LTO1: variants seen among roughly 807,000 people sequenced by gnomAD.
LTO1 encodes protein LTO1 homolog.
A neutral mutation model predicts 19.8 loss-of-function variants in LTO1; 18 were observed. The ratio of observed to expected loss-of-function variants is 0.91; its 90% CI spans 0.63 to 1.35. LTO1 has a LOEUF of 1.35. LTO1 is among the 40% of genes most tolerant of loss of function. The pLI, the probability that LTO1 is intolerant of heterozygous loss-of-function variation, is 0.00. For missense variants in LTO1, 175 were observed against 167.9 expected, an observed-to-expected ratio of 1.04 and a Z score of -0.23; for synonymous variants, 59 against 59.6, an observed-to-expected ratio of 0.99 and a Z score of 0.05.
At chr11:69,669,752 G>A (rs751194092) in intron 3 of LTO1, among the ~76,000 whole-genome samples, 34 of 152,200 alleles carry the variant, frequency 2.2e-4, no homozygotes, top group Non-Finnish European at 3.1e-4. Flanking sequence ...CCCGGTGCGC[G>A]CTGGTCTGCA....
intron 2 of LTO1, chr11:69,672,048 G>A: frequency 1.9e-6 from 1 of 513,908 alleles, no homozygotes; most frequent in Non-Finnish European, 3.5e-6. Context: ...CCCATGCCCT[G>A]TGCAGGTCCC....
chr11:69,666,580 G>A lies in LTO1; in HGVS notation c.*939C>T, dbSNP rs1484151321. 6.6e-6 allele frequency: 1 copy of A among 152,386 alleles called. No individual in the cohort carries two copies. Among genetic ancestry groups the A allele is most frequent in the East Asian group, 1.9e-4 (1 of 5,186 alleles). The allele number at this position is 152,386 out of a possible 1,614,324, so 9.4% of individuals were successfully genotyped here. A position where few individuals can be genotyped will look rare whatever the true frequency, so the allele number is the denominator to read the frequency against. ...AAGAGCTCCTAGGAGAGGGGAGAAT[G>A]CAGGAGGCTATACGCATGGTTCTCA... On this transcript the variant is annotated 3_prime_UTR_variant, in exon 5 of 5. Transcript: ENST00000279147.
At chr11:69,668,223 T>C (rs1160933794) in intron 3 of LTO1, 2 of 512,318 alleles carry the variant, frequency 3.9e-6, no homozygotes, top group East Asian at 6.5e-5. Context: ...ACAGCAAGTG[T>C]GTGCCTAGCT....
At chr11:69,675,073 C>A in intron 1 of LTO1, 117 bp downstream of exon 1, 1 of 884,114 alleles carries the variant, frequency 1.1e-6, no homozygotes, top group Non-Finnish European at 1.8e-6. Context: ...AGGCGCTCCC[C>A]AATGCGCACG....
rs1554969436 is a variant in LTO1, at chr11:69,668,031, CAG to C, written c.228-21_228-20del. 3.4e-6 allele frequency: 4 copies of C among 1,185,458 alleles called. No homozygotes were observed. The highest frequency in any genetic ancestry group is 5.1e-6 in the Non-Finnish European group (4 of 789,062). 73.4% of individuals were successfully genotyped at this position (1,185,458 alleles called of 1,614,324 possible). ...CTTTCTGCTGTAAAGCACAGAAATA[CAG>C]ACTCTCAGTCATGTGCACACAACAG... On this transcript the variant is annotated intron_variant, in intron 3 of 4. Transcript: ENST00000279147.
chr11:69,667,678 G>A (rs1437412330), intron 4 of LTO1, 91 bp from the exon 5 acceptor site: 12 of 957,010 alleles, frequency 1.3e-5, no homozygotes, highest in Middle Eastern at 2.2e-4. Context: ...AGCTTTTCCT[G>A]TCTATGTGGC....
At chr11:69,671,948 C>T in intron 2 of LTO1, 129 bp from the exon 3 acceptor site, 1 of 678,794 alleles carries the variant, frequency 1.5e-6, no homozygotes, top group East Asian at 2.7e-5. Context: ...TCTGGAAGCA[C>T]CTGTTGAGCA....
intron 4 of LTO1, 57 bp downstream of exon 4, chr11:69,667,838 G>T: frequency 1.1e-6 from 1 of 944,258 alleles, no homozygotes; most frequent in South Asian, 1.3e-5. Flanking sequence ...GCGCTGCCCC[G>T]CCTGGGAAAG....
In LTO1 at chr11:69,673,202, G is replaced by A. The variant is rs1230946190; in HGVS notation, c.156+14C>T. 1 of 1,390,918 alleles carries A rather than the reference G, an allele frequency of 7.2e-7. No homozygotes were observed. The highest frequency in any genetic ancestry group is 1.4e-5 in the African/African-American group (1 of 70,672). The allele number at this position is 1,390,918 out of a possible 1,614,324, so 86.2% of individuals were successfully genotyped here. The stretch of plus-strand genomic sequence containing the variant: ...ATGAAGAGGCTTCATCTCCAGATGG[G>A]GGTTCCCACTTACCTCAGACCCGAT... On this transcript the variant is annotated intron_variant, in intron 2 of 4. Coordinates refer to ENST00000279147, the MANE Select transcript of LTO1 (RefSeq NM_153451.3).
intron 2 of LTO1, chr11:69,672,344 G>C (rs997809426): frequency 6.2e-6 from 1 of 161,190 alleles, no homozygotes; most frequent in Non-Finnish European, 1.4e-5. Context: ...AGCTGCTCCT[G>C]AGTTCCCAAC....
intron 1 of LTO1, chr11:69,674,488 G>C (rs1252617700): frequency 3.0e-6 from 1 of 330,848 alleles, no homozygotes; most frequent in African/African-American, 2.2e-5. Context: ...ATAGTTGTGT[G>C]ACCCTGGAAA....
rs1856035693 is a variant in LTO1, at chr11:69,666,583, G to A, written c.*936C>T. The A allele has an allele frequency of 6.6e-6, 1 of 152,276 alleles. No homozygotes were observed. The highest frequency in any genetic ancestry group is 2.4e-5 in the African/African-American group (1 of 41,454). 9.4% of individuals were successfully genotyped at this position (152,276 alleles called of 1,614,324 possible). A position where few individuals can be genotyped will look rare whatever the true frequency, so the allele number is the denominator to read the frequency against. ...AGCTCCTAGGAGAGGGGAGAATGCA[G>A]GAGGCTATACGCATGGTTCTCAAAG... On this transcript the variant is annotated 3_prime_UTR_variant, in exon 5 of 5. Coordinates refer to ENST00000279147, the MANE Select transcript of LTO1 (RefSeq NM_153451.3).
rs1565077841 is a variant in LTO1, at chr11:69,666,493, C to T, written c.*1026G>A. ...CCTCGTGGGGACCCACCGAACCATC[C>T]ACTCTGCTCATCTGTGCCCACCCCA... On this transcript the variant is annotated 3_prime_UTR_variant, in exon 5 of 5. Coordinates refer to ENST00000279147, the MANE Select transcript of LTO1 (RefSeq NM_153451.3). 6.6e-6 allele frequency: 1 copy of T among 152,402 alleles called. No individual in the cohort carries two copies. The highest frequency in any genetic ancestry group is 1.5e-5 in the Non-Finnish European group (1 of 68,160). The allele number at this position is 152,402 out of a possible 1,614,324, so 9.4% of individuals were successfully genotyped here.
At chr11:69,673,410 A>C (rs757318336) in intron 1 of LTO1, 89 bp from the exon 2 acceptor site, 1 of 857,628 alleles carries the variant, frequency 1.2e-6, no homozygotes, top group South Asian at 1.5e-5. Flanking sequence ...ACCCGGACCC[A>C]GTAAGACAAA....
chr11:69,669,587 A>G (rs373379955), intron 3 of LTO1, among the ~76,000 whole-genome samples: 1 of 152,186 alleles, frequency 6.6e-6, no homozygotes, highest in Non-Finnish European at 1.5e-5. Flanking sequence ...AGGACCACGC[A>G]CTTTCCACTT....
rs1445030999 is a variant in LTO1, at chr11:69,667,972, G to A, written c.268C>T (p.Gln90Ter). 3.8e-6 allele frequency: 6 copies of A among 1,590,970 alleles called. No homozygotes were observed. The highest frequency in any genetic ancestry group is 5.2e-6 in the Non-Finnish European group (6 of 1,158,912). Residue 90 changes from glutamine (Q) to a stop codon, truncating the protein, a stop_gained, in exon 4 of 5, where the codon CAG becomes TAG. Coordinates refer to ENST00000279147, the MANE Select transcript of LTO1 (RefSeq NM_153451.3). LOFTEE classifies it high-confidence loss of function. The stretch of plus-strand genomic sequence containing the variant: ...GTAGGGTCATCATAAGGGAATTTCT[G>A]GATCATTCCAATCAATGATTCTAAG... ...KVLESLIGMI[Q>*]KFPYDDPTYD... is the part of the protein sequence containing the mutation.
chr11:69,667,232 C>T lies in LTO1; in HGVS notation c.*287G>A. 2.3e-6 allele frequency: 1 copy of T among 437,202 alleles called. No homozygotes were observed. The highest frequency in any genetic ancestry group is 4.1e-6 in the Non-Finnish European group (1 of 246,884). 27.1% of individuals were successfully genotyped at this position (437,202 alleles called of 1,614,324 possible). On this transcript the variant is annotated 3_prime_UTR_variant, in exon 5 of 5. Coordinates refer to ENST00000279147, the MANE Select transcript of LTO1 (RefSeq NM_153451.3). Reference sequence around the variant, plus strand: ...ATCCAGAGCCAACTCCAACCCAGAACCAGCTAGGCCTGTGCTGCCGGAGAG... The same window carrying T: ...ATCCAGAGCCAACTCCAACCCAGAATCAGCTAGGCCTGTGCTGCCGGAGAG...
Position 69,665,580 on chromosome 11 carries a change from C to G in LTO1, c.*1939G>C, listed in dbSNP as rs1476556997. On this transcript the variant is annotated 3_prime_UTR_variant, in exon 5 of 5. Transcript: ENST00000279147. ...TCCCAAACTTTCACTTTAAAATATG[C>G]TATTTACTTTTTTTACAGTTATAAA... The G allele has an allele frequency of 6.6e-6, 1 of 152,200 alleles. No individual in the cohort carries two copies. Among genetic ancestry groups the G allele is most frequent in the Admixed American group, 6.5e-5 (1 of 15,276 alleles). The allele number at this position is 152,200 out of a possible 1,614,324, so 9.4% of individuals were successfully genotyped here. A position where few individuals can be genotyped will look rare whatever the true frequency, so the allele number is the denominator to read the frequency against.
chr11:69,675,299 A>C lies in LTO1; in HGVS notation c.-60T>G. 1 of 1,333,430 alleles carries C rather than the reference A, an allele frequency of 7.5e-7. No homozygotes were observed. Among genetic ancestry groups the C allele is most frequent in the South Asian group, 1.5e-5 (1 of 64,762 alleles). 82.6% of individuals were successfully genotyped at this position (1,333,430 alleles called of 1,614,324 possible). ...CTGCAGCCCCGCGGTGCCGTAGCAG[A>C]CCCGGCAGCTTCAGGCACAAATGCT... On this transcript the variant is annotated 5_prime_UTR_variant, in exon 1 of 5. Coordinates refer to ENST00000279147, the MANE Select transcript of LTO1 (RefSeq NM_153451.3).
Sources: gnomAD v4.1 joint callset for allele counts (sites outside exome capture counted in the v4.1 genomes callset) on GRCh38, gnomAD v4.1.1 for gene constraint, MANE v1.5 for transcripts, NCBI Gene and HGNC (gene_info 2026-07-23, HGNC 2026-07-21) for gene names.